Variants in EFCAB6 observed in about 807,000 individuals in gnomAD.
The protein encoded by EFCAB6 is EF-hand calcium-binding domain-containing protein 6.
A neutral mutation model predicts 169.8 loss-of-function variants in EFCAB6; 156 were observed. That is an observed-to-expected ratio of 0.92 (90% CI 0.81 to 1.05). The LOEUF (loss-of-function observed/expected upper bound fraction) is 1.05. EFCAB6 is among the 50% of genes least tolerant of loss of function. The pLI, the probability that EFCAB6 is intolerant of heterozygous loss-of-function variation, is 0.00. For synonymous variants in EFCAB6, 698 were observed against 676.4 expected (o/e 1.03, Z -0.50); for missense variants, 1,800 against 1,829.1 (o/e 0.98, Z 0.29).
intron 1 of EFCAB6, among the ~76,000 whole-genome samples, chr22:43,810,298 G>A (rs6006552): frequency 9.2e-5 from 14 of 152,328 alleles, no homozygotes; most frequent in African/African-American, 3.4e-4. Context: ...AGTAGTTGCT[G>A]TAGTAGAAAT....
intron 17 of EFCAB6, among the ~76,000 whole-genome samples, chr22:43,665,635 G>T (rs112280674): frequency 6.6e-6 from 1 of 152,166 alleles, no homozygotes; most frequent in African/African-American, 2.4e-5. Flanking sequence ...ATTGGCACTC[G>T]TTTAGTTTTC....
chr22:43,720,132 C>A (rs1031599685), intron 8 of EFCAB6, among the ~76,000 whole-genome samples: 1 of 151,104 alleles, frequency 6.6e-6, no homozygotes, highest in African/African-American at 2.4e-5. Context: ...CTTAAATACA[C>A]ACAATTTTAA....
rs1304396004 is a variant in EFCAB6 at position 43,628,411 on chromosome 22, C to T, written c.2233-1732G>A. ...CCCACCCAAGGTCGCTGGAGTCCTGCAGGAACCTCGTGATGGCTCCCAGCT... is the reference window on the plus strand; with the variant it reads ...CCCACCCAAGGTCGCTGGAGTCCTGTAGGAACCTCGTGATGGCTCCCAGCT... On this transcript the variant is annotated intron_variant, in intron 19 of 31. Transcript: ENST00000262726. The surrounding 1 kb of genome is among the most constrained non-coding windows in gnomAD (Gnocchi z 4.8). 6.6e-6 allele frequency among the ~76,000 whole-genome samples: 1 copy of T among 152,194 alleles called. No individual in the cohort carries two copies. Among genetic ancestry groups the T allele is most frequent in the African/African-American group, 2.4e-5 (1 of 41,446 alleles).
intron 18 of EFCAB6, among the ~76,000 whole-genome samples, chr22:43,633,282 G>A (rs73432074): frequency 0.039 from 5,965 of 152,318 alleles, 137 homozygotes; most frequent in African/African-American, 0.052. Flanking sequence ...AGGCACGTTG[G>A]CTCACGCCTG....
intron 7 of EFCAB6, among the ~76,000 whole-genome samples, chr22:43,734,469 G>A (rs1245815562): frequency 6.6e-6 from 1 of 152,140 alleles, no homozygotes; most frequent in African/African-American, 2.4e-5. Flanking sequence ...ATACTTATGA[G>A]ATGGGGAAAC....
chr22:43,777,311 C>T (rs767710217), intron 3 of EFCAB6, among the ~76,000 whole-genome samples: 23 of 152,076 alleles, frequency 1.5e-4, no homozygotes, highest in Non-Finnish European at 2.8e-4. Flanking sequence ...CGATCGGGAG[C>T]TTAGTGGGGA....
intron 12 of EFCAB6, among the ~76,000 whole-genome samples, chr22:43,681,942 C>T (rs1042590161): frequency 2.0e-5 from 3 of 152,198 alleles, no homozygotes; most frequent in African/African-American, 7.2e-5. Flanking sequence ...CATCTGGAGG[C>T]AGCACATATA....
At chr22:43,541,002 A>G (rs1602141718) in intron 27 of EFCAB6, among the ~76,000 whole-genome samples, 1 of 152,278 alleles carries the variant, frequency 6.6e-6, no homozygotes, top group East Asian at 1.9e-4. Context: ...TGCATCCTAA[A>G]TGAGCCACTT....
intron 2 of EFCAB6, among the ~76,000 whole-genome samples, chr22:43,785,257 C>T (rs1340235834): frequency 6.6e-6 from 1 of 152,080 alleles, no homozygotes; most frequent in African/African-American, 2.4e-5. Context: ...GGATCATTCT[C>T]CAGTATAAAC....
intron 17 of EFCAB6, 108 bp from the exon 18 acceptor site, chr22:43,635,324 T>A (rs1023480042): frequency 1.8e-5 from 15 of 825,214 alleles, no homozygotes; most frequent in Non-Finnish European, 3.1e-5. Flanking sequence ...CTCATGATTG[T>A]TATTTGTCTG....
At chr22:43,732,255 G>A (rs570576422) in intron 7 of EFCAB6, among the ~76,000 whole-genome samples, 1 of 152,186 alleles carries the variant, frequency 6.6e-6, no homozygotes, top group South Asian at 2.1e-4. Flanking sequence ...GAAATGGAGA[G>A]CTGGGTGGAG....
intron 8 of EFCAB6, among the ~76,000 whole-genome samples, chr22:43,726,401 C>A (rs369470966): frequency 4.6e-5 from 7 of 151,088 alleles, no homozygotes; most frequent in Admixed American, 6.6e-5. Context: ...CAGCAGATAA[C>A]ATTTAAAACT....
chr22:43,765,072 C>T (rs2061285373), intron 5 of EFCAB6, among the ~76,000 whole-genome samples: 1 of 152,066 alleles, frequency 6.6e-6, no homozygotes, highest in African/African-American at 2.4e-5. Flanking sequence ...GCTGTGTTTA[C>T]ATTTTATTAC....
chr22:43,606,330 G>A (rs1261146872), intron 22 of EFCAB6, among the ~76,000 whole-genome samples: 1 of 152,214 alleles, frequency 6.6e-6, no homozygotes, highest in Non-Finnish European at 1.5e-5. Flanking sequence ...CTTTGGCGAT[G>A]AGCTCTGGAT....
chr22:43,560,685 G>A (rs1021188123), intron 26 of EFCAB6, among the ~76,000 whole-genome samples: 5 of 152,158 alleles, frequency 3.3e-5, no homozygotes, highest in Admixed American at 6.5e-5. Flanking sequence ...TAAAAACCCA[G>A]CGTGGGAGGT....
intron 23 of EFCAB6, among the ~76,000 whole-genome samples, chr22:43,593,466 T>C (rs534746830): frequency 6.6e-6 from 1 of 152,272 alleles, no homozygotes; most frequent in African/African-American, 2.4e-5. Context: ...AAGACACGAG[T>C]GGGTAATGAG....
chr22:43,721,923 C>T (rs2059542412), intron 8 of EFCAB6, among the ~76,000 whole-genome samples: 1 of 152,024 alleles, frequency 6.6e-6, no homozygotes. Flanking sequence ...AACTTTTCTG[C>T]ACAGCAAAAG....
chr22:43,614,015 T>C (rs1160319313), intron 21 of EFCAB6, among the ~76,000 whole-genome samples: 1 of 151,924 alleles, frequency 6.6e-6, no homozygotes. Flanking sequence ...GTTTAATGTT[T>C]GCAAAACCTA....
intron 1 of EFCAB6, among the ~76,000 whole-genome samples, chr22:43,809,774 A>T (rs1052732774): frequency 1.3e-5 from 2 of 151,900 alleles, no homozygotes; most frequent in Non-Finnish European, 2.9e-5. Context: ...TGCCTGGCTA[A>T]TTTTTTGTAT....
Sources: gnomAD v4.1 joint callset for allele counts (sites outside exome capture counted in the v4.1 genomes callset) on GRCh38, gnomAD v4.1.1 for gene constraint, Gnocchi (gnomAD v3.1) non-coding constraint, MANE v1.5 for transcripts, NCBI Gene and HGNC (gene_info 2026-07-23, HGNC 2026-07-21) for gene names.